Variants in DNMBP observed in about 807,000 individuals in gnomAD.
DNMBP encodes the protein dynamin-binding protein.
A neutral mutation model predicts 150.0 loss-of-function variants in DNMBP; 87 were observed. The ratio of observed to expected loss-of-function variants is 0.58; its 90% CI spans 0.49 to 0.69. DNMBP has a LOEUF of 0.69. Among genes scored for constraint, DNMBP ranks in the 30% least tolerant of loss-of-function variants. DNMBP has a pLI of 0.00. For synonymous variants in DNMBP, 711 were observed against 750.4 expected (o/e 0.95, Z 0.86); for missense variants, 1,774 against 1,949.0 (o/e 0.91, Z 1.69).
chr10:99,964,798 G>A (rs116361132), intron 3 of DNMBP, among the ~76,000 whole-genome samples: 2,507 of 151,218 alleles, frequency 0.017, 36 homozygotes, highest in African/African-American at 0.037. Flanking sequence ...TTGAACCAAC[G>A]AGGCGGAAGT....
intron 10 of DNMBP, among the ~76,000 whole-genome samples, chr10:99,896,017 T>A (rs1164679863): frequency 6.6e-6 from 1 of 152,190 alleles, no homozygotes; most frequent in Non-Finnish European, 1.5e-5. Context: ...ACAACTATAG[T>A]TTTGTCCCAC....
chr10:99,885,868 T>G lies in DNMBP; in HGVS notation c.3619-2A>C, dbSNP rs2039450742. The G allele has an allele frequency of 1.2e-6, 2 of 1,608,382 alleles. No individual in the cohort carries two copies. Among genetic ancestry groups the G allele is most frequent in the Admixed American group, 3.4e-5 (2 of 59,294 alleles). On this transcript the variant is annotated splice_acceptor_variant, in intron 13 of 16. Coordinates refer to ENST00000324109, the MANE Select transcript of DNMBP (RefSeq NM_015221.4). LOFTEE classifies it high-confidence loss of function. The stretch of plus-strand genomic sequence containing the variant: ...CTCTCTGCCAGCCACTTTGAGTAAC[T>G]GGGGTCCATGGGAAGAGCAGAGATA...
At chr10:99,882,794 G>A (rs758639979) in intron 15 of DNMBP, among the ~76,000 whole-genome samples, 1 of 152,176 alleles carries the variant, frequency 6.6e-6, no homozygotes, top group Admixed American at 6.5e-5. Context: ...GCCAGGTGCC[G>A]TGGCTCATGC....
chr10:99,909,965 C>T lies in DNMBP; in HGVS notation c.2261-819G>A, dbSNP rs111661669. On this transcript the variant is annotated intron_variant, in intron 4 of 16. Coordinates refer to ENST00000324109, the MANE Select transcript of DNMBP (RefSeq NM_015221.4). ...AGAGTTATCTATAAACATGGAACAG[C>T]GTTTGTTCATCTGAAATGAGCATTA... Among the ~76,000 whole-genome samples, 491 of 152,292 alleles carry T rather than the reference C, an allele frequency of 3.2e-3. 5 individuals carry two copies. Among genetic ancestry groups the T allele is most frequent in the Middle Eastern group, 0.02 (6 of 294 alleles).
At chr10:99,882,540 T>G (rs966759512) in intron 15 of DNMBP, among the ~76,000 whole-genome samples, 1 of 152,164 alleles carries the variant, frequency 6.6e-6, no homozygotes, top group Non-Finnish European at 1.5e-5. Context: ...GCCAAGATTG[T>G]GCCCCTACAA....
At position 99,955,477 on chromosome 10, in the gene DNMBP, T is replaced by C. The variant is rs1367098151; in HGVS notation, c.1997A>G (p.His666Arg). Residue 666 changes from histidine (H) to arginine (R), a missense_variant, in exon 4 of 17, where the codon CAC (histidine) becomes CGC (arginine). His to Arg is a conservative substitution (Grantham distance 29, BLOSUM62 0). Transcript: ENST00000324109. ...TTCTAAGGTCTCACAGGTAGGACGGTGTCGAGATAGGAGCTTGGGGGATAC... is the reference window on the plus strand; with the variant it reads ...TTCTAAGGTCTCACAGGTAGGACGGCGTCGAGATAGGAGCTTGGGGGATAC... ...NAVSPKLLSR[H>R]RPTCETLEKE... 1 of 1,605,070 alleles carries C rather than the reference T, an allele frequency of 6.2e-7. No homozygotes were observed. Among genetic ancestry groups the C allele is most frequent in the Non-Finnish European group, 8.5e-7 (1 of 1,175,214 alleles).
At chr10:99,998,890 T>C (rs576173049) in intron 1 of DNMBP, among the ~76,000 whole-genome samples, 60 of 152,350 alleles carry the variant, frequency 3.9e-4, no homozygotes, top group Non-Finnish European at 1.2e-4. Context: ...AATTGAGTGT[T>C]GGATACATGG....
intron 4 of DNMBP, chr10:99,929,962 A>C (rs770536097): frequency 1.4e-6 from 1 of 702,910 alleles, no homozygotes. Flanking sequence ...AAAGCATCAT[A>C]GCCTTTATTT....
intron 4 of DNMBP, among the ~76,000 whole-genome samples, chr10:99,911,216 G>A (rs957292792): frequency 4.6e-5 from 7 of 151,452 alleles, no homozygotes; most frequent in African/African-American, 1.5e-4. Flanking sequence ...ACTCCAGCCT[G>A]AGTAAAAAAA....
intron 1 of DNMBP, among the ~76,000 whole-genome samples, chr10:99,975,957 T>C (rs1356967636): frequency 6.6e-6 from 1 of 152,216 alleles, no homozygotes; most frequent in East Asian, 1.9e-4. Context: ...CCCTATCATA[T>C]GTTATTGGTT....
At chr10:99,889,946 G>A (rs905179437) in intron 11 of DNMBP, among the ~76,000 whole-genome samples, 15 of 151,862 alleles carry the variant, frequency 9.9e-5, no homozygotes, top group Admixed American at 3.3e-4. Context: ...TGCTGTCACC[G>A]TCTCAAAGAC....
intron 3 of DNMBP, among the ~76,000 whole-genome samples, chr10:99,968,330 A>C (rs2040641140): frequency 6.6e-6 from 1 of 152,188 alleles, no homozygotes; most frequent in Non-Finnish European, 1.5e-5. Context: ...AGCCGTACCC[A>C]GTTATTTTTT....
intron 1 of DNMBP, among the ~76,000 whole-genome samples, chr10:99,993,897 G>A (rs1168575783): frequency 6.6e-6 from 1 of 151,992 alleles, no homozygotes; most frequent in East Asian, 1.9e-4. Flanking sequence ...TCCCTATTCT[G>A]CCACCCACAT....
intron 12 of DNMBP, among the ~76,000 whole-genome samples, chr10:99,887,973 C>A (rs188468611): frequency 6.6e-6 from 1 of 151,836 alleles, no homozygotes; most frequent in Non-Finnish European, 1.5e-5. Flanking sequence ...TACAGGTGTG[C>A]GCCACCACAC....
At position 99,992,571 on chromosome 10, in the gene DNMBP, G is replaced by A. The variant is rs187195173; in HGVS notation, c.-11+17267C>T. Among the ~76,000 whole-genome samples the A allele has an allele frequency of 8.1e-3, 1,179 of 144,768 alleles. 21 individuals carry two copies. Among genetic ancestry groups the A allele is most frequent in the African/African-American group, 0.029 (1,130 of 38,492 alleles). 95.0% of individuals were successfully genotyped at this position (144,768 alleles called of 152,430 possible). A position where few individuals can be genotyped will look rare whatever the true frequency, so the allele number is the denominator to read the frequency against. ...AGACGGAGTCTGGCTCTGTCACCCAGGCTGGAGTGCGGTGGCGTGATCTCG... is the reference window on the plus strand; with the variant it reads ...AGACGGAGTCTGGCTCTGTCACCCAAGCTGGAGTGCGGTGGCGTGATCTCG... On this transcript the variant is annotated intron_variant, in intron 1 of 16. Coordinates refer to ENST00000324109, the MANE Select transcript of DNMBP (RefSeq NM_015221.4).
intron 1 of DNMBP, among the ~76,000 whole-genome samples, chr10:99,976,508 T>C (rs2040729027): frequency 6.6e-6 from 1 of 152,206 alleles, no homozygotes; most frequent in African/African-American, 2.4e-5. Context: ...TTCCACGCCC[T>C]TGCTATATTG....
At chr10:99,884,293 G>A in intron 14 of DNMBP, 84 bp from the exon 15 acceptor site, 10 of 1,264,068 alleles carry the variant, frequency 7.9e-6, no homozygotes, top group Non-Finnish European at 1.1e-5. Flanking sequence ...GCCAGTCTCA[G>A]AAATGAGGCA....
rs1014447304 is a variant in DNMBP at position 99,880,229 on chromosome 10, T to C, written c.4130A>G (p.Gln1377Arg). 12 of 1,614,016 alleles carry C rather than the reference T, an allele frequency of 7.4e-6. No individual in the cohort carries two copies. Among genetic ancestry groups the C allele is most frequent in the Non-Finnish European group, 9.3e-6 (11 of 1,180,010 alleles). ...GAAGGTCAGGGTGCTGCCGCTGTTC[T>C]GGCGTGGGAACCTGGGGGAGGAGCT... is the stretch of plus-strand genomic sequence containing the variant. ...HGSSSPRFPR[Q>R]NSGSTLTFNP... Residue 1377 changes from glutamine to arginine, a missense_variant, in exon 16 of 17, where the codon CAG becomes CGG. Transcript: ENST00000324109.
At chr10:99,987,250 C>A (rs1056512372) in intron 1 of DNMBP, among the ~76,000 whole-genome samples, 11 of 151,880 alleles carry the variant, frequency 7.2e-5, no homozygotes, top group African/African-American at 2.4e-4. Flanking sequence ...TGCTTGTAAT[C>A]CGAGCATTCT....
Sources: allele counts gnomAD v4.1 joint callset (sites outside exome capture counted in the v4.1 genomes callset), GRCh38; gene constraint gnomAD v4.1.1; transcripts MANE v1.5; gene names NCBI Gene and HGNC (gene_info 2026-07-23, HGNC 2026-07-21).